EPB41L2: variants seen among roughly 807,000 people sequenced by gnomAD.
The protein encoded by EPB41L2 is band 4.1-like protein 2.
A neutral mutation model predicts 113.0 loss-of-function variants in EPB41L2; 43 were observed. The ratio of observed to expected loss-of-function variants is 0.38; its 90% confidence interval spans 0.30 to 0.49. The LOEUF is 0.49. Ranked by LOEUF, EPB41L2 falls within the 20% of genes least tolerant of loss-of-function variation. The pLI, the probability that EPB41L2 is intolerant of heterozygous loss-of-function variation, is 0.95. For missense variants in EPB41L2, 1,147 were observed against 1,223.4 expected (o/e 0.94, Z 0.93); for synonymous variants, 442 against 436.7 (o/e 1.01, Z -0.15).
At chr6:130,974,717 C>CTTTTCTTTT (rs1777758154) in intron 1 of EPB41L2, among the ~76,000 whole-genome samples, 1 of 64,642 alleles carries the variant, frequency 1.5e-5, no homozygotes, top group Non-Finnish European at 2.7e-5. Context: ...CTTTTCTTTT[C>CTTTTCTTTT]TTTTTTTTTT....
intron 3 of EPB41L2, among the ~76,000 whole-genome samples, chr6:130,936,569 G>A (rs762172020): frequency 9.9e-6 from 1 of 100,576 alleles, no homozygotes; most frequent in South Asian, 4.4e-4. Flanking sequence ...TTACATTAAG[G>A]CCCTTCTAAG....
At chr6:131,024,332 T>G (rs1790335446) in intron 1 of EPB41L2, among the ~76,000 whole-genome samples, 1 of 152,076 alleles carries the variant, frequency 6.6e-6, no homozygotes, top group Non-Finnish European at 1.5e-5. Flanking sequence ...GGTTTATGGT[T>G]AAGAGTGTGG....
intron 1 of EPB41L2, among the ~76,000 whole-genome samples, chr6:131,005,561 A>G (rs1785309716): frequency 6.6e-6 from 1 of 152,182 alleles, no homozygotes; most frequent in Admixed American, 6.5e-5. Context: ...TCACATGTAT[A>G]ATGTATTCCA....
intron 3 of EPB41L2, among the ~76,000 whole-genome samples, chr6:130,939,820 A>G (rs560465895): frequency 2.0e-5 from 3 of 152,214 alleles, no homozygotes; most frequent in Non-Finnish European, 4.4e-5. Flanking sequence ...TGCTATATTC[A>G]GGGGAAGAGT....
In EPB41L2 at chr6:130,937,981, A is replaced by G. The variant is rs572899960; in HGVS notation, c.706-11272T>C. Among the ~76,000 whole-genome samples the G allele has an allele frequency of 4.9e-4, 75 of 152,348 alleles. 1 individual carries two copies. Among genetic ancestry groups the G allele is most frequent in the Non-Finnish European group, 9.0e-4 (61 of 68,034 alleles). On this transcript the variant is annotated intron_variant, in intron 3 of 19. Coordinates refer to ENST00000337057, the MANE Select transcript of EPB41L2 (RefSeq NM_001431.4). ...ATCTTATCACAAGCCAGACCCATTG[A>G]AACTGTTCTTACCTCTATTAGCCAG...
intron 7 of EPB41L2, 71 bp from the exon 8 acceptor site, chr6:130,899,649 G>T: frequency 7.1e-7 from 1 of 1,417,348 alleles, no homozygotes; most frequent in Non-Finnish European, 9.9e-7. Context: ...TGGGAGGAGT[G>T]TCTGTGCTCA....
At chr6:130,972,578 C>A (rs9402305) in intron 1 of EPB41L2, among the ~76,000 whole-genome samples, 118,148 of 150,832 alleles carry the variant, frequency 0.78, 46,774 homozygotes, top group East Asian at 1. Flanking sequence ...ACATATTTGC[C>A]TTGACAATTC....
rs184019456 is a variant in EPB41L2 at position 130,875,248 on chromosome 6, C to G, written c.2043+2856G>C. ...GAATCACTGTTTCCTTATTAATAAT[C>G]TCTGTTCTCATTCACAGCCCCTATA... is the stretch of plus-strand genomic sequence containing the variant. On this transcript the variant is annotated intron_variant, in intron 14 of 19. Coordinates refer to ENST00000337057, the MANE Select transcript of EPB41L2 (RefSeq NM_001431.4). 1.9e-3 allele frequency among the ~76,000 whole-genome samples: 292 copies of G among 152,252 alleles called. 6 individuals carry two copies. The South Asian group carries it at 0.024, about 13-fold the overall frequency.
chr6:131,049,308 A>G (rs1796091790), intron 1 of EPB41L2, among the ~76,000 whole-genome samples: 1 of 152,248 alleles, frequency 6.6e-6, no homozygotes, highest in Non-Finnish European at 1.5e-5. Flanking sequence ...CAAGATCCAG[A>G]AACAGTTCTA....
intron 1 of EPB41L2, among the ~76,000 whole-genome samples, chr6:131,061,714 A>C (rs74592506): frequency 0.053 from 8,043 of 152,278 alleles, 312 homozygotes; most frequent in East Asian, 0.12. Flanking sequence ...CTCAACTGCT[A>C]AGTCCAAGGT....
chr6:130,963,524 T>C (rs1182104745), intron 1 of EPB41L2, among the ~76,000 whole-genome samples: 7 of 152,258 alleles, frequency 4.6e-5, no homozygotes, highest in African/African-American at 1.7e-4. Context: ...TCTTCATATG[T>C]TGGAGACAGG....
At chr6:130,965,812 C>T (rs971249682) in intron 1 of EPB41L2, among the ~76,000 whole-genome samples, 13 of 152,126 alleles carry the variant, frequency 8.5e-5, no homozygotes, top group African/African-American at 2.9e-4. Context: ...CAGGCATTCT[C>T]AAACAATTGC....
rs79130520 is a variant in EPB41L2, at chr6:131,027,255, C to T, written c.-15+35900G>A. Among the ~76,000 whole-genome samples, 3,097 of 152,160 alleles carry T rather than the reference C, an allele frequency of 0.02. 202 individuals are homozygous for T. In the East Asian group the frequency reaches 0.27, roughly 13 times the overall value. ...TTTGTTTTTTTGTCTTTTCTTTCTG[C>T]AAGCCAGAACCATCAGGTATAACTG... On this transcript the variant is annotated intron_variant, in intron 1 of 19. Transcript: ENST00000337057.
chr6:130,982,361 T>A (rs55772976), intron 1 of EPB41L2, among the ~76,000 whole-genome samples: 11 of 152,230 alleles, frequency 7.2e-5, no homozygotes, highest in Admixed American at 2.0e-4. Flanking sequence ...TTCTATAAAC[T>A]TCAAAACCTA....
At chr6:130,849,758 T>C (rs535445129) in intron 19 of EPB41L2, among the ~76,000 whole-genome samples, 1 of 152,298 alleles carries the variant, frequency 6.6e-6, no homozygotes, top group East Asian at 1.9e-4. Context: ...GAAGGTTCTT[T>C]CCTCACAGTT....
intron 1 of EPB41L2, among the ~76,000 whole-genome samples, chr6:130,983,299 A>G (rs946308058): frequency 5.9e-5 from 9 of 152,196 alleles, no homozygotes; most frequent in African/African-American, 2.2e-4. Context: ...GCCTTTCTTC[A>G]GAACACTGAG....
At chr6:130,875,671 G>A (rs1046988131) in intron 14 of EPB41L2, among the ~76,000 whole-genome samples, 4 of 151,988 alleles carry the variant, frequency 2.6e-5, no homozygotes, top group Admixed American at 6.5e-5. Flanking sequence ...TTACTTCCTA[G>A]TGTCTGAAAC....
In EPB41L2 at chr6:130,869,852, T is replaced by C; in HGVS notation, c.2318A>G (p.Tyr773Cys). 6.2e-7 allele frequency: 1 copy of C among 1,613,730 alleles called. No homozygotes were observed. Among genetic ancestry groups the C allele is most frequent in the Non-Finnish European group, 8.5e-7 (1 of 1,179,998 alleles). ...GGGTTCTTCCTCCACCTCTTCTTCA[T>C]ACTCCTGTTCCTCCCTGATGGTGCC... ...TEGTIREEQE[Y>C]EEEVEEEPRP... Residue 773 changes from tyrosine (Y) to cysteine (C), a missense_variant, in exon 15 of 20, where the codon TAT becomes TGT. Transcript: ENST00000337057.
intron 3 of EPB41L2, among the ~76,000 whole-genome samples, chr6:130,933,654 T>G (rs1210088967): frequency 2.0e-5 from 3 of 152,184 alleles, no homozygotes; most frequent in Non-Finnish European, 4.4e-5. Flanking sequence ...TGCTAGCTTT[T>G]GGGAACTTTC....
Sources: allele counts gnomAD v4.1 joint callset (sites outside exome capture counted in the v4.1 genomes callset), GRCh38; gene constraint gnomAD v4.1.1; transcripts MANE v1.5; gene names NCBI Gene and HGNC (gene_info 2026-07-23, HGNC 2026-07-21).